Variants in SUPT3H observed in about 807,000 individuals in gnomAD.
SUPT3H encodes the protein transcription initiation protein SPT3 homolog.
SUPT3H carries 44 observed loss-of-function variants against 44.3 expected under a neutral mutation model. The observed-to-expected ratio is 0.99, with a 90% CI of 0.78 to 1.28. The LOEUF is 1.28. Among genes scored for constraint, SUPT3H ranks in the 50% most tolerant of loss-of-function variants. The pLI, the probability that SUPT3H is intolerant of heterozygous loss-of-function variation, is 0.00. For synonymous variants in SUPT3H, 124 were observed against 125.6 expected (o/e 0.99, Z 0.09); for missense variants, 380 against 387.1 (o/e 0.98, Z 0.15).
intron 3 of SUPT3H, among the ~76,000 whole-genome samples, chr6:45,077,746 C>A (rs1268154928): frequency 6.8e-6 from 1 of 147,690 alleles, no homozygotes; most frequent in Non-Finnish European, 1.5e-5. Context: ...AGTAGAAAAA[C>A]TCAATAAACA....
Position 44,905,412 on chromosome 6 carries a change from T to G in SUPT3H, c.912+27241A>C, listed in dbSNP as rs1582399755. Among the ~76,000 whole-genome samples the G allele has an allele frequency of 1.5e-4, 18 of 120,940 alleles. No homozygotes were observed. In the South Asian group the frequency reaches 5.0e-3, roughly 34 times the overall value. The allele number at this position is 120,940 out of a possible 152,430, so 79.3% of individuals were successfully genotyped here. A position where few individuals can be genotyped will look rare whatever the true frequency, so the allele number is the denominator to read the frequency against. ...GACATTTATGCAGCCGAAAGACACA[T>G]GAAAAAATGCTCATCATCACTGGCC... is the stretch of plus-strand genomic sequence containing the variant. On this transcript the variant is annotated intron_variant, in intron 10 of 10. Coordinates refer to ENST00000371459, the MANE Select transcript of SUPT3H (RefSeq NM_003599.4).
intron 6 of SUPT3H, among the ~76,000 whole-genome samples, chr6:44,965,232 G>A (rs760286968): frequency 5.9e-5 from 9 of 152,166 alleles, no homozygotes; most frequent in Non-Finnish European, 1.2e-4. Context: ...TCACAGGTGT[G>A]TAGAGATACT....
At chr6:45,286,252 T>G (rs1779244394) in intron 2 of SUPT3H, among the ~76,000 whole-genome samples, 1 of 152,040 alleles carries the variant, frequency 6.6e-6, no homozygotes, top group Admixed American at 6.5e-5. Flanking sequence ...AAATGGGATC[T>G]AATTAAACTA....
At chr6:45,130,159 C>T (rs1386140072) in intron 2 of SUPT3H, among the ~76,000 whole-genome samples, 1 of 152,090 alleles carries the variant, frequency 6.6e-6, no homozygotes, top group Non-Finnish European at 1.5e-5. Flanking sequence ...AACTCTCTAC[C>T]CATTAGCAGT....
At chr6:44,893,658 T>C (rs7754825) in intron 10 of SUPT3H, among the ~76,000 whole-genome samples, 192 of 150,180 alleles carry the variant, frequency 1.3e-3, no homozygotes, top group South Asian at 6.0e-3. Flanking sequence ...TCTTTGCTAT[T>C]GTGAATAATG....
At chr6:44,908,386 C>T (rs937286535) in intron 10 of SUPT3H, among the ~76,000 whole-genome samples, 3 of 151,952 alleles carry the variant, frequency 2.0e-5, no homozygotes, top group African/African-American at 4.8e-5. Context: ...CTCCTGACCT[C>T]GTGATCCGCC....
At chr6:45,302,150 G>A (rs1254022963) in intron 2 of SUPT3H, among the ~76,000 whole-genome samples, 1 of 151,954 alleles carries the variant, frequency 6.6e-6, no homozygotes, top group Non-Finnish European at 1.5e-5. Flanking sequence ...GGTGGTATTT[G>A]GTCACATGAG....
chr6:45,024,752 A>T (rs1396937961), intron 3 of SUPT3H, among the ~76,000 whole-genome samples: 2 of 152,198 alleles, frequency 1.3e-5, no homozygotes, highest in Admixed American at 6.5e-5. Flanking sequence ...TTAACAGTTC[A>T]ATCAGTAGAC....
At chr6:44,893,705 AG>A (rs1481302582) in intron 10 of SUPT3H, among the ~76,000 whole-genome samples, 27 of 149,214 alleles carry the variant, frequency 1.8e-4, no homozygotes, top group Admixed American at 1.5e-3. Flanking sequence ...TCTTTATAGC[AG>A]CATGATTTAT....
chr6:45,333,757 T>C (rs557853478), intron 2 of SUPT3H, among the ~76,000 whole-genome samples: 32 of 151,446 alleles, frequency 2.1e-4, no homozygotes, highest in Admixed American at 6.6e-5. Flanking sequence ...ACTTAATACA[T>C]GAAGAGAAAA....
chr6:45,067,312 T>G (rs1235714379), intron 3 of SUPT3H, among the ~76,000 whole-genome samples: 1 of 132,230 alleles, frequency 7.6e-6, no homozygotes, highest in Admixed American at 8.0e-5. Context: ...AAAAATCAAT[T>G]CAAGATGGAT....
chr6:44,957,342 C>A (rs1365916019), intron 7 of SUPT3H, among the ~76,000 whole-genome samples: 1 of 152,116 alleles, frequency 6.6e-6, no homozygotes, highest in Non-Finnish European at 1.5e-5. Context: ...GATAATCCCC[C>A]TTAAAGCTAT....
At chr6:45,232,456 T>A (rs1319461110) in intron 2 of SUPT3H, among the ~76,000 whole-genome samples, 1 of 152,200 alleles carries the variant, frequency 6.6e-6, no homozygotes, top group Non-Finnish European at 1.5e-5. Context: ...ATGAGCTGAC[T>A]GTGCCTGATC....
chr6:45,000,483 C>T (rs1456231865), intron 6 of SUPT3H, among the ~76,000 whole-genome samples: 2 of 152,120 alleles, frequency 1.3e-5, no homozygotes, highest in African/African-American at 2.4e-5. Flanking sequence ...AAAACCATAA[C>T]CCTGGGACTC....
chr6:44,987,121 C>G (rs922995233), intron 6 of SUPT3H, among the ~76,000 whole-genome samples: 9 of 152,110 alleles, frequency 5.9e-5, no homozygotes, highest in Admixed American at 1.3e-4. Context: ...TCCCTATGTC[C>G]TCACATGGCA....
At chr6:45,185,212 G>A (rs536124172) in intron 2 of SUPT3H, among the ~76,000 whole-genome samples, 1 of 152,268 alleles carries the variant, frequency 6.6e-6, no homozygotes, top group African/African-American at 2.4e-5. Flanking sequence ...ACTTTATTAA[G>A]AAGGAAATCC....
intron 6 of SUPT3H, among the ~76,000 whole-genome samples, chr6:44,990,893 T>TA (rs34299745): frequency 0.47 from 70,635 of 151,468 alleles, 16,805 homozygotes; most frequent in Admixed American, 0.55. Context: ...AGTTATTTAT[T>TA]AAAATAATTA....
intron 2 of SUPT3H, among the ~76,000 whole-genome samples, chr6:45,110,331 A>T (rs1163749072): frequency 1.3e-5 from 2 of 152,204 alleles, no homozygotes; most frequent in Admixed American, 6.5e-5. Context: ...CTGTATACTT[A>T]TACTGGGATC....
At chr6:44,867,573 T>A (rs190604217) in intron 10 of SUPT3H, among the ~76,000 whole-genome samples, 4 of 152,194 alleles carry the variant, frequency 2.6e-5, no homozygotes, top group East Asian at 1.9e-4. Context: ...CACTTTTTTT[T>A]AAGCAGTAAT....
Sources: gnomAD v4.1 joint callset for allele counts (sites outside exome capture counted in the v4.1 genomes callset) on GRCh38, gnomAD v4.1.1 for gene constraint, MANE v1.5 for transcripts, NCBI Gene and HGNC (gene_info 2026-07-23, HGNC 2026-07-21) for gene names.